TAB2: variants seen among roughly 807,000 people sequenced by gnomAD.
TAB2 encodes the protein TGF-beta-activated kinase 1 and MAP3K7-binding protein 2.
Under a neutral mutation model 65.0 loss-of-function variants are expected in TAB2, and 3 were observed. That is an observed-to-expected ratio of 0.05 (90% CI 0.02 to 0.12). TAB2 has a LOEUF of 0.12. TAB2 is among the 10% of genes least tolerant of loss of function. The probability of loss-of-function intolerance (pLI) is 1.00; values close to 1 mark genes in which losing one functional copy is unlikely to be tolerated. For synonymous variants in TAB2, 298 were observed against 285.1 expected, an observed-to-expected ratio of 1.05 and a Z score of -0.46; for missense variants, 623 against 840.3, an observed-to-expected ratio of 0.74 and a Z score of 3.20.
intron 3 of TAB2, among the ~76,000 whole-genome samples, chr6:149,382,870 A>G (rs1781660178): frequency 6.6e-6 from 1 of 151,612 alleles, no homozygotes; most frequent in African/African-American, 2.4e-5. Flanking sequence ...GAAATAACTT[A>G]AGGCTGGGCA....
intron 1 of TAB2, among the ~76,000 whole-genome samples, chr6:149,235,105 G>A (rs2114636504): frequency 6.6e-6 from 1 of 152,336 alleles, no homozygotes; most frequent in East Asian, 1.9e-4. Context: ...CACTCAATCT[G>A]AGTTCAGAGT....
chr6:149,355,044 A>T (rs973009971), intron 1 of TAB2, among the ~76,000 whole-genome samples: 1 of 152,206 alleles, frequency 6.6e-6, no homozygotes, highest in African/African-American at 2.4e-5. Context: ...TGAGGTGAGG[A>T]TTCCCCTCAC....
upstream of TAB2, among the ~76,000 whole-genome samples, chr6:149,317,373 G>T (rs1305050423): frequency 6.6e-6 from 1 of 151,564 alleles, no homozygotes; most frequent in South Asian, 2.1e-4. The surrounding 1 kb of genome is among the most constrained non-coding windows in gnomAD (Gnocchi z 4.7). Context: ...AGTGTCGGGG[G>T]AGGGGTACAG....
chr6:149,375,474 A>G (rs1781369146), intron 2 of TAB2, among the ~76,000 whole-genome samples: 1 of 152,168 alleles, frequency 6.6e-6, no homozygotes, highest in Non-Finnish European at 1.5e-5. Context: ...GAATAATTAC[A>G]GAGATTACAA....
chr6:149,399,173 C>A lies in TAB2; in HGVS notation c.1928C>A (p.Pro643Gln). Reference protein sequence around the residue: ...DNIGFVGPVPPKPKDQRSIIK... With the variant: ...DNIGFVGPVPQKPKDQRSIIK... ...ATTGGATTTGTAGGTCCTGTGCCAC[C>A]AAAACCCAAAGGTTAGTGTATCCAT... The change falls in exon 6 of 7, where the codon CCA becomes CAA. Residue 643 changes from proline (P) to glutamine (Q), a missense_variant. By Grantham distance (76) the Pro-to-Gln change is moderately conservative (BLOSUM62 -1). Coordinates refer to ENST00000637181, the MANE Select transcript of TAB2 (RefSeq NM_001292034.3). 1 of 1,613,312 alleles carries A rather than the reference C, an allele frequency of 6.2e-7. No individual in the cohort carries two copies. Among genetic ancestry groups the A allele is most frequent in the Non-Finnish European group, 8.5e-7 (1 of 1,179,482 alleles).
At chr6:149,227,650 C>A (rs1777310562) in intron 1 of TAB2, among the ~76,000 whole-genome samples, 2 of 152,226 alleles carry the variant, frequency 1.3e-5, no homozygotes, top group Non-Finnish European at 2.9e-5. Context: ...GCCCCCAGAA[C>A]ATCCCCAGTG....
intron 1 of TAB2, among the ~76,000 whole-genome samples, chr6:149,266,425 A>C (rs1385268520): frequency 6.6e-6 from 1 of 152,190 alleles, no homozygotes; most frequent in Non-Finnish European, 1.5e-5. Context: ...CACTGCTGAG[A>C]ACACCCCACT....
chr6:149,258,161 A>G (rs1444630343), intron 1 of TAB2, among the ~76,000 whole-genome samples: 3 of 152,184 alleles, frequency 2.0e-5, no homozygotes, highest in Non-Finnish European at 4.4e-5. Flanking sequence ...GTAAGGCCAC[A>G]CAGCGGTGTT....
intron 1 of TAB2, among the ~76,000 whole-genome samples, chr6:149,366,002 T>G (rs1429466465): frequency 1.3e-5 from 2 of 152,192 alleles, no homozygotes; most frequent in African/African-American, 4.8e-5. Context: ...TCCAGGCATA[T>G]TTGCACTTAA....
rs751616426 is a variant in TAB2 at position 149,378,628 on chromosome 6, A to G, written c.713A>G (p.Gln238Arg). 3 of 1,613,394 alleles carry G rather than the reference A, an allele frequency of 1.9e-6. No individual in the cohort carries two copies. The highest frequency in any genetic ancestry group is 1.7e-6 in the Non-Finnish European group (2 of 1,180,020). Residue 238 changes from glutamine (Q) to arginine (R), a missense_variant, in exon 3 of 7, where the codon CAG becomes CGG. Gln to Arg is a conservative substitution (Grantham distance 43). Transcript: ENST00000637181. ...CAACAGCATTCTGGCTGGGTATCTC[A>G]GTTTAATCCCATGAACCCTCAGCAA... ...QTQQHSGWVS[Q>R]FNPMNPQQVY...
intron 1 of TAB2, among the ~76,000 whole-genome samples, chr6:149,318,402 T>C (rs1779328302): frequency 9.1e-6 from 1 of 110,002 alleles, no homozygotes; most frequent in African/African-American, 3.5e-5. Flanking sequence ...ATGTGTGAGG[T>C]GGGGGCGGGG....
At chr6:149,304,151 A>G (rs1002818616) in intron 1 of TAB2, 4 of 152,254 alleles carry the variant, frequency 2.6e-5, no homozygotes, top group African/African-American at 9.7e-5. Flanking sequence ...TGCTCACGGC[A>G]CTTTCCACCC....
chr6:149,407,692 A>G (rs1178104466), intron 6 of TAB2, among the ~76,000 whole-genome samples: 1 of 152,078 alleles, frequency 6.6e-6, no homozygotes, highest in Non-Finnish European at 1.5e-5. Context: ...TAACAGCTAA[A>G]ATTAAATGTG....
chr6:149,380,484 A>G (rs1781570827), intron 3 of TAB2, among the ~76,000 whole-genome samples: 1 of 152,024 alleles, frequency 6.6e-6, no homozygotes, highest in South Asian at 2.1e-4. Context: ...ACTATTTGAT[A>G]TTGGCATACT....
intron 1 of TAB2, among the ~76,000 whole-genome samples, chr6:149,253,958 A>AAG (rs1403666068): frequency 0.049 from 3,641 of 74,792 alleles, 76 homozygotes; most frequent in Non-Finnish European, 0.06. Flanking sequence ...GAAAGAAAGA[A>AAG]AAAGAAAGAA....
intron 1 of TAB2, among the ~76,000 whole-genome samples, chr6:149,310,920 T>A (rs552333831): frequency 1.3e-4 from 20 of 152,330 alleles, no homozygotes; most frequent in African/African-American, 4.6e-4. Context: ...AAATCTACCA[T>A]GGAAATTGAT....
chr6:149,307,011 C>A (rs909085660), intron 1 of TAB2, among the ~76,000 whole-genome samples: 1 of 152,116 alleles, frequency 6.6e-6, no homozygotes, highest in Non-Finnish European at 1.5e-5. Flanking sequence ...AACTTGGGAC[C>A]TATATGAAAT....
chr6:149,399,088 T>G lies in TAB2; in HGVS notation c.1859-16T>G. On this transcript the variant is annotated splice_polypyrimidine_tract_variant and intron_variant, in intron 5 of 6. Coordinates refer to ENST00000637181, the MANE Select transcript of TAB2 (RefSeq NM_001292034.3). ...GAGCTATAAGCATTGATATATTTAC[T>G]TTTTATATATTTCAGGACCACATTT... 1 of 1,604,794 alleles carries G rather than the reference T, an allele frequency of 6.2e-7. No individual in the cohort carries two copies. Among genetic ancestry groups the G allele is most frequent in the Non-Finnish European group, 8.5e-7 (1 of 1,171,982 alleles).
intron 1 of TAB2, among the ~76,000 whole-genome samples, chr6:149,242,557 G>A (rs542123556): frequency 4.6e-5 from 7 of 152,278 alleles, no homozygotes; most frequent in African/African-American, 1.7e-4. Flanking sequence ...CCCAAAAGAG[G>A]CATTTCCTCT....
Sources: gnomAD v4.1 joint callset for allele counts (sites outside exome capture counted in the v4.1 genomes callset) on GRCh38, gnomAD v4.1.1 for gene constraint, Gnocchi (gnomAD v3.1) non-coding constraint, MANE v1.5 for transcripts, NCBI Gene and HGNC (gene_info 2026-07-23, HGNC 2026-07-21) for gene names.